ZNF148: variants seen among roughly 807,000 people sequenced by gnomAD.
ZNF148 encodes Beta-Enolase Repressor Factor-1.
In ZNF148, 7 loss-of-function variants were observed where a neutral mutation model predicts 67.7. That is an observed-to-expected ratio of 0.10 (90% CI 0.06 to 0.19). The LOEUF is 0.19. Among genes scored for constraint, ZNF148 ranks in the 10% least tolerant of loss-of-function variants. The pLI is 1.00. For synonymous variants in ZNF148, 333 were observed against 330.7 expected (o/e 1.01, Z -0.08); for missense variants, 583 against 947.1 (o/e 0.62, Z 5.05).
intron 3 of ZNF148, among the ~76,000 whole-genome samples, chr3:125,317,337 C>G (rs1013837265): frequency 1.3e-5 from 2 of 151,998 alleles, no homozygotes; most frequent in Admixed American, 6.6e-5. Flanking sequence ...AAAATGAAAA[C>G]TGTATGTACT....
intron 3 of ZNF148, among the ~76,000 whole-genome samples, chr3:125,319,081 T>C (rs754570543): frequency 1.4e-4 from 21 of 152,294 alleles, no homozygotes; most frequent in Non-Finnish European, 2.5e-4. Context: ...TGCAGTGGCT[T>C]AGGTAACCCT....
intron 2 of ZNF148, among the ~76,000 whole-genome samples, chr3:125,330,622 G>C (rs1049332844): frequency 6.6e-6 from 1 of 151,888 alleles, no homozygotes; most frequent in Non-Finnish European, 1.5e-5. Context: ...GAGTTCAGGG[G>C]TTGAGGACCA....
At chr3:125,365,557 C>T (rs1267807619) in intron 1 of ZNF148, among the ~76,000 whole-genome samples, 1 of 152,192 alleles carries the variant, frequency 6.6e-6, no homozygotes, top group Non-Finnish European at 1.5e-5. Flanking sequence ...GTGGCTCACA[C>T]CTGTAATCCC....
rs182653335 is a variant in ZNF148 at position 125,266,759 on chromosome 3, A to G, written c.667+10967T>C. 8.9e-4 allele frequency among the ~76,000 whole-genome samples: 135 copies of G among 152,230 alleles called. 1 individual carries two copies. The highest frequency in any genetic ancestry group is 3.2e-3 in the African/African-American group (132 of 41,552). On this transcript the variant is annotated intron_variant, in intron 7 of 8. Coordinates refer to ENST00000360647, the MANE Select transcript of ZNF148 (RefSeq NM_021964.3). ...GACCCAAAAACCATACAAAGAATCA[A>G]AACAAAAAGTTGGTTCTTTGAAAGG... is the stretch of plus-strand genomic sequence containing the variant.
At chr3:125,353,559 G>A (rs1286260556) in intron 1 of ZNF148, among the ~76,000 whole-genome samples, 1 of 152,038 alleles carries the variant, frequency 6.6e-6, no homozygotes. Context: ...AGGGTACACA[G>A]GACTATGTAC....
At chr3:125,342,150 TTCA>T (rs1279990334) in intron 1 of ZNF148, among the ~76,000 whole-genome samples, 1 of 149,874 alleles carries the variant, frequency 6.7e-6, no homozygotes, top group Non-Finnish European at 1.5e-5. Context: ...AAATCCAACA[TTCA>T]CACCATCAAA....
At chr3:125,366,393 C>T (rs961333458) in intron 1 of ZNF148, among the ~76,000 whole-genome samples, 7 of 152,212 alleles carry the variant, frequency 4.6e-5, no homozygotes, top group Admixed American at 1.3e-4. Flanking sequence ...TTCAACCCAA[C>T]CCCAACTGAC....
At chr3:125,320,749 A>G (rs192858789) in intron 3 of ZNF148, among the ~76,000 whole-genome samples, 59 of 152,290 alleles carry the variant, frequency 3.9e-4, no homozygotes, top group Non-Finnish European at 6.6e-4. Context: ...GAAGCACTCA[A>G]AGGAACTTGT....
intron 1 of ZNF148, among the ~76,000 whole-genome samples, chr3:125,357,482 T>C (rs1942395249): frequency 6.6e-6 from 1 of 152,094 alleles, no homozygotes; most frequent in Non-Finnish European, 1.5e-5. Flanking sequence ...CAGGGCCTGC[T>C]CACTTCAGGG....
At chr3:125,310,503 A>C (rs1416060050) in intron 4 of ZNF148, among the ~76,000 whole-genome samples, 1 of 152,210 alleles carries the variant, frequency 6.6e-6, no homozygotes, top group African/African-American at 2.4e-5. Context: ...GTATGAATGC[A>C]TATATTAGAA....
intron 7 of ZNF148, among the ~76,000 whole-genome samples, chr3:125,238,258 C>T (rs1936184175): frequency 6.6e-6 from 1 of 152,086 alleles, no homozygotes; most frequent in African/African-American, 2.4e-5. Flanking sequence ...AAAAGCAGCA[C>T]AAGCAAACAA....
intron 1 of ZNF148, among the ~76,000 whole-genome samples, chr3:125,340,495 G>T (rs75483758): frequency 0.069 from 10,477 of 152,204 alleles, 474 homozygotes; most frequent in Non-Finnish European, 0.1. Flanking sequence ...CAGTAGGTGG[G>T]TCCCACCATA....
chr3:125,350,777 T>C (rs534558487), intron 1 of ZNF148, among the ~76,000 whole-genome samples: 6 of 152,236 alleles, frequency 3.9e-5, no homozygotes, highest in Non-Finnish European at 5.9e-5. Context: ...CACTTCCTGC[T>C]GTGCAGCCCA....
At chr3:125,303,693 T>C (rs184877099) in intron 4 of ZNF148, among the ~76,000 whole-genome samples, 16 of 152,008 alleles carry the variant, frequency 1.1e-4, no homozygotes, top group Admixed American at 1.0e-3. Flanking sequence ...TGGTGAGTTG[T>C]ATAATTACTT....
intron 2 of ZNF148, among the ~76,000 whole-genome samples, chr3:125,324,239 G>A (rs1940921526): frequency 6.6e-6 from 1 of 152,046 alleles, no homozygotes; most frequent in Non-Finnish European, 1.5e-5. Context: ...CTTTGTTAAA[G>A]TCTATGAAGT....
chr3:125,283,162 G>A (rs894695449), intron 5 of ZNF148, among the ~76,000 whole-genome samples: 1 of 152,070 alleles, frequency 6.6e-6, no homozygotes, highest in Non-Finnish European at 1.5e-5. Flanking sequence ...CAAGTCCAAA[G>A]ATATACAAAT....
intron 7 of ZNF148, among the ~76,000 whole-genome samples, chr3:125,241,368 T>G (rs865805649): frequency 2.8e-4 from 43 of 151,694 alleles, no homozygotes; most frequent in Middle Eastern, 3.4e-3. Context: ...TAGGCTGGTC[T>G]CGAATTCAGG....
At chr3:125,306,349 A>C (rs1400068504) in intron 4 of ZNF148, among the ~76,000 whole-genome samples, 1 of 152,120 alleles carries the variant, frequency 6.6e-6, no homozygotes, top group African/African-American at 2.4e-5. Flanking sequence ...ATAAAACCGA[A>C]ACTTCACTAT....
At chr3:125,322,027 C>T (rs1248460708) in intron 3 of ZNF148, among the ~76,000 whole-genome samples, 21 of 82,904 alleles carry the variant, frequency 2.5e-4, no homozygotes, top group South Asian at 5.2e-4. Flanking sequence ...TAATCAACGG[C>T]TTTTTTTTTT....
Sources: gnomAD v4.1 joint callset for allele counts (sites outside exome capture counted in the v4.1 genomes callset) on GRCh38, gnomAD v4.1.1 for gene constraint, MANE v1.5 for transcripts, NCBI Gene and HGNC (gene_info 2026-07-23, HGNC 2026-07-21) for gene names.